Variants in GATAD2B observed in about 807,000 individuals in gnomAD.
GATAD2B encodes the protein transcriptional repressor p66-beta.
GATAD2B carries 8 observed loss-of-function variants against 64.3 expected under a neutral mutation model. The ratio of observed to expected loss-of-function variants is 0.12; its 90% confidence interval spans 0.07 to 0.22. GATAD2B has a LOEUF of 0.22. Ranked by LOEUF, GATAD2B falls within the 10% of genes least tolerant of loss-of-function variation. GATAD2B has a pLI of 1.00. For missense variants in GATAD2B, 453 were observed against 752.0 expected, an observed-to-expected ratio of 0.60 and a Z score of 4.65; for synonymous variants, 281 against 271.3, an observed-to-expected ratio of 1.04 and a Z score of -0.35.
intron 1 of GATAD2B, among the ~76,000 whole-genome samples, chr1:153,837,377 CAAA>C (rs113888342): frequency 6.9e-6 from 1 of 145,660 alleles, no homozygotes; most frequent in African/African-American, 2.6e-5. Flanking sequence ...ACAAAACAAA[CAAA>C]AAAAAAAACA....
chr1:153,813,681 A>G (rs934776112), intron 7 of GATAD2B, among the ~76,000 whole-genome samples: 3 of 152,234 alleles, frequency 2.0e-5, no homozygotes, highest in Non-Finnish European at 4.4e-5. Flanking sequence ...CAGAAGTCGA[A>G]GAAATGTAGC....
At position 153,816,520 on chromosome 1, in the gene GATAD2B, A is replaced by G; in HGVS notation, c.969T>C (p.His323=). The part of the protein sequence containing the change: ...SSAIYMNLAS[H]IQPGTVNRVS... ...CTCTGTTCACCGTCCCTGGCTGGAT[A>G]TGAGAAGCAAGGTTCATATAGATGG... Residue 323 remains histidine (H), a synonymous_variant, in exon 7 of 11, where the codon CAT becomes CAC. Transcript: ENST00000368655. The surrounding 1 kb of genome is among the most constrained non-coding windows in gnomAD (Gnocchi z 4.9). 6.2e-7 allele frequency: 1 copy of G among 1,613,842 alleles called. No homozygotes were observed. Among genetic ancestry groups the G allele is most frequent in the South Asian group, 1.1e-5 (1 of 91,086 alleles).
chr1:153,886,854 T>A (rs775662781), intron 1 of GATAD2B, among the ~76,000 whole-genome samples: 1 of 152,082 alleles, frequency 6.6e-6, no homozygotes, highest in Non-Finnish European at 1.5e-5. Context: ...CCACTGCGTC[T>A]GGCCGAAAAA....
At chr1:153,896,659 T>TGAGC (rs1412886567) in intron 1 of GATAD2B, among the ~76,000 whole-genome samples, 5 of 151,998 alleles carry the variant, frequency 3.3e-5, no homozygotes, top group Admixed American at 6.6e-5. Context: ...TGGACTCCAA[T>TGAGC]TCCCAACCTC....
chr1:153,909,417 G>A (rs538806460), intron 1 of GATAD2B, among the ~76,000 whole-genome samples: 13 of 151,506 alleles, frequency 8.6e-5, no homozygotes, highest in African/African-American at 3.1e-4. Flanking sequence ...TTTCACTGTG[G>A]TCTCGATCTC....
intron 1 of GATAD2B, among the ~76,000 whole-genome samples, chr1:153,864,784 T>C (rs1676422239): frequency 6.6e-6 from 1 of 152,178 alleles, no homozygotes. Flanking sequence ...AAATACTAAA[T>C]ACAGCCAGGC....
At chr1:153,857,065 T>C (rs983395935) in intron 1 of GATAD2B, among the ~76,000 whole-genome samples, 2 of 151,934 alleles carry the variant, frequency 1.3e-5, no homozygotes, top group Non-Finnish European at 2.9e-5. Context: ...CTTCCTTTTG[T>C]ATGTAAAAAG....
chr1:153,829,268 A>G (rs1674994567), intron 1 of GATAD2B, among the ~76,000 whole-genome samples: 1 of 152,214 alleles, frequency 6.6e-6, no homozygotes, highest in South Asian at 2.1e-4. Flanking sequence ...ACACTTTCAA[A>G]TCCAGGTTTG....
chr1:153,824,425 C>G (rs186837263), intron 2 of GATAD2B, among the ~76,000 whole-genome samples: 1 of 151,902 alleles, frequency 6.6e-6, no homozygotes, highest in African/African-American at 2.4e-5. Context: ...GTCAGCAGAT[C>G]GAGACCATCT....
intron 1 of GATAD2B, among the ~76,000 whole-genome samples, chr1:153,839,567 A>AAC: frequency 6.6e-6 from 1 of 152,214 alleles, no homozygotes; most frequent in East Asian, 1.9e-4. Flanking sequence ...TAAAGTAGTA[A>AAC]TAGTCTAAAA....
chr1:153,906,218 G>C (rs570027071), intron 1 of GATAD2B, among the ~76,000 whole-genome samples: 1 of 152,038 alleles, frequency 6.6e-6, no homozygotes, highest in South Asian at 2.1e-4. Flanking sequence ...AGGAGTTCGA[G>C]ACCAGCCTGG....
chr1:153,914,277 T>C (rs538102112), intron 1 of GATAD2B, among the ~76,000 whole-genome samples: 7 of 150,050 alleles, frequency 4.7e-5, no homozygotes, highest in African/African-American at 1.7e-4. Flanking sequence ...GCTCAACTTG[T>C]GTAAACACAT....
In GATAD2B at chr1:153,805,450, C is replaced by T. The variant is rs1258873619; in HGVS notation, c.*4727G>A. The T allele has an allele frequency of 6.6e-6, 1 of 152,156 alleles. No individual in the cohort carries two copies. Among genetic ancestry groups the T allele is most frequent in the African/African-American group, 2.4e-5 (1 of 41,424 alleles). The allele number at this position is 152,156 out of a possible 1,614,324, so 9.4% of individuals were successfully genotyped here. ...TGTGAGATGGGGCTTGAGGCCTAGT[C>T]CCCGCCCTCAGATGACTAGAGGCAT... On this transcript the variant is annotated 3_prime_UTR_variant, in exon 11 of 11. Transcript: ENST00000368655.
intron 1 of GATAD2B, among the ~76,000 whole-genome samples, chr1:153,901,978 C>CA (rs35731326): frequency 0.1 from 9,516 of 92,070 alleles, 601 homozygotes; most frequent in East Asian, 0.19. Context: ...GACTCCGTCT[C>CA]AAAAAAAAAA....
intron 1 of GATAD2B, among the ~76,000 whole-genome samples, chr1:153,876,922 G>C (rs1238914968): frequency 6.6e-6 from 1 of 152,138 alleles, no homozygotes; most frequent in Admixed American, 6.6e-5. Context: ...AGAATCACTC[G>C]AACCTGGTGA....
intron 1 of GATAD2B, among the ~76,000 whole-genome samples, chr1:153,882,597 A>G (rs1160879024): frequency 1.3e-5 from 2 of 152,190 alleles, no homozygotes; most frequent in Non-Finnish European, 2.9e-5. Context: ...TGTATATTTT[A>G]CTGCAATTTA....
At position 153,817,450 on chromosome 1, in the gene GATAD2B, C is replaced by A. The variant is rs1481001365; in HGVS notation, c.822G>T (p.Gln274His). Residue 274 changes from glutamine to histidine, a missense_variant, in exon 6 of 11, where the codon CAG (glutamine) becomes CAT (histidine). Physicochemically the swap from Gln to His is conservative, Grantham distance 24. This residue lies in a region of GATAD2B where 293 missense variants were observed against 417.2 expected (regional missense o/e 0.70). Transcript: ENST00000368655. ...CAGGCTTAGGCGGGCCCCGCTGACCCTGTAGCTGGGCTGGGTTTGGTGCAA... is the reference window on the plus strand; with the variant it reads ...CAGGCTTAGGCGGGCCCCGCTGACCATGTAGCTGGGCTGGGTTTGGTGCAA... ...RVIAPNPAQL[Q>H]GQRGPPKPGL... 1 of 1,613,390 alleles carries A rather than the reference C, an allele frequency of 6.2e-7. No individual in the cohort carries two copies. The highest frequency in any genetic ancestry group is 8.5e-7 in the Non-Finnish European group (1 of 1,179,782).
At chr1:153,864,550 G>A (rs1676414957) in intron 1 of GATAD2B, among the ~76,000 whole-genome samples, 2 of 152,142 alleles carry the variant, frequency 1.3e-5, no homozygotes, top group African/African-American at 4.8e-5. Flanking sequence ...CTAGGAGGTC[G>A]AGGCTTCAGT....
chr1:153,841,182 T>C (rs1051157204), intron 1 of GATAD2B, among the ~76,000 whole-genome samples: 3 of 151,076 alleles, frequency 2.0e-5, no homozygotes, highest in Non-Finnish European at 4.4e-5. Flanking sequence ...GAAGATCTCA[T>C]GTACCCTTTA....
Sources: allele counts gnomAD v4.1 joint callset (sites outside exome capture counted in the v4.1 genomes callset), GRCh38; gene constraint gnomAD v4.1.1; regional missense constraint gnomAD v4.1.1; non-coding constraint Gnocchi (gnomAD v3.1); transcripts MANE v1.5; gene names NCBI Gene and HGNC (gene_info 2026-07-23, HGNC 2026-07-21).